KIAA0319: variants seen among roughly 807,000 people sequenced by gnomAD.
KIAA0319 encodes the protein dyslexia-associated protein KIAA0319.
In KIAA0319, 83 loss-of-function variants were observed where a neutral mutation model predicts 108.4. The observed-to-expected ratio is 0.77, with a 90% confidence interval of 0.64 to 0.92. The LOEUF is 0.92. KIAA0319 is among the 40% of genes least tolerant of loss of function. KIAA0319 has a pLI of 0.00. For synonymous variants in KIAA0319, 484 were observed against 510.4 expected (o/e 0.95, Z 0.70); for missense variants, 1,195 against 1,322.4 (o/e 0.90, Z 1.49).
intron 1 of KIAA0319, among the ~76,000 whole-genome samples, chr6:24,621,676 C>T (rs1406923760): frequency 2.6e-5 from 4 of 152,134 alleles, no homozygotes; most frequent in Admixed American, 2.6e-4. Context: ...AGAAAATAAA[C>T]CATAACAACA....
chr6:24,596,729 G>A, intron 2 of KIAA0319, 111 bp from the exon 3 acceptor site: 2 of 942,486 alleles, frequency 2.1e-6, no homozygotes, highest in South Asian at 1.7e-5. Flanking sequence ...AGTCTGGCAA[G>A]CAAATAAACA....
Position 24,547,201 on chromosome 6 carries a change from A to G in KIAA0319, c.3183T>C (p.Asn1061=), listed in dbSNP as rs1156934250. 6.2e-7 allele frequency: 1 copy of G among 1,614,140 alleles called. No individual in the cohort carries two copies. Residue 1061 remains asparagine, a synonymous_variant, in exon 21 of 21, where the codon AAT becomes AAC. Coordinates refer to ENST00000378214, the MANE Select transcript of KIAA0319 (RefSeq NM_014809.4). ...TTGAGCAATAACTGAAGGAAGCTCCATTTCTGATGGAACCATTCATGGAAA... is the reference window on the plus strand; with the variant it reads ...TTGAGCAATAACTGAAGGAAGCTCCGTTTCTGATGGAACCATTCATGGAAA... ...PKVSMNGSIR[N]GASFSYCSKD... is the part of the protein sequence containing the mutation.
At chr6:24,603,300 C>T (rs1193342338) in intron 1 of KIAA0319, among the ~76,000 whole-genome samples, 1 of 152,070 alleles carries the variant, frequency 6.6e-6, no homozygotes, top group African/African-American at 2.4e-5. Flanking sequence ...CTGGTTTGCC[C>T]AAAGTAGAAG....
chr6:24,579,525 A>T (rs2744561), intron 8 of KIAA0319, among the ~76,000 whole-genome samples: 6,547 of 144,766 alleles, frequency 0.045, 365 homozygotes, highest in African/African-American at 0.12. Flanking sequence ...TATATATCTT[A>T]TATATATATA....
intron 20 of KIAA0319, among the ~76,000 whole-genome samples, chr6:24,550,371 T>C (rs1367649357): frequency 6.6e-6 from 1 of 152,212 alleles, no homozygotes; most frequent in Non-Finnish European, 1.5e-5. Context: ...ACCTCACAAC[T>C]CTGAAAAAGA....
intron 1 of KIAA0319, among the ~76,000 whole-genome samples, chr6:24,643,370 T>C (rs888611105): frequency 5.3e-5 from 8 of 152,138 alleles, no homozygotes; most frequent in African/African-American, 9.7e-5. Flanking sequence ...GCCCAGACTT[T>C]GACACTACAC....
chr6:24,611,791 C>T (rs913879738), intron 1 of KIAA0319, among the ~76,000 whole-genome samples: 9 of 151,986 alleles, frequency 5.9e-5, no homozygotes, highest in Non-Finnish European at 1.5e-5. Flanking sequence ...CAGTTGCTCA[C>T]CCCTGTAATC....
intron 20 of KIAA0319, among the ~76,000 whole-genome samples, chr6:24,550,942 C>G (rs1249134319): frequency 6.6e-6 from 1 of 152,098 alleles, no homozygotes; most frequent in Admixed American, 6.6e-5. Flanking sequence ...CTGCCCCCAC[C>G]CCCGCATTAG....
At chr6:24,642,580 A>G (rs932288584) in intron 1 of KIAA0319, among the ~76,000 whole-genome samples, 2 of 152,182 alleles carry the variant, frequency 1.3e-5, no homozygotes, top group African/African-American at 4.8e-5. Flanking sequence ...GCTGGAGTTA[A>G]TTTACCCTCC....
intron 1 of KIAA0319, among the ~76,000 whole-genome samples, chr6:24,644,443 T>C (rs1170752982): frequency 6.6e-6 from 1 of 152,226 alleles, no homozygotes; most frequent in Non-Finnish European, 1.5e-5. Flanking sequence ...ACCAGAAATA[T>C]GCTGTAGGAA....
Position 24,547,214 on chromosome 6 carries a change from C to T in KIAA0319, c.3170G>A (p.Gly1057Asp). The change falls in exon 21 of 21, where the codon GGT becomes GAT. Residue 1057 changes from glycine to aspartate, a missense_variant. Gly to Asp is a moderately conservative substitution (Grantham distance 94). Coordinates refer to ENST00000378214, the MANE Select transcript of KIAA0319 (RefSeq NM_014809.4). Reference sequence around the variant, plus strand: ...GAAGGAAGCTCCATTTCTGATGGAACCATTCATGGAAACCTTTGGATTCCC... The same window carrying T: ...GAAGGAAGCTCCATTTCTGATGGAATCATTCATGGAAACCTTTGGATTCCC... Reference protein sequence around the residue: ...ERGNPKVSMNGSIRNGASFSY... With the variant: ...ERGNPKVSMNDSIRNGASFSY... 6.2e-7 allele frequency: 1 copy of T among 1,614,148 alleles called. No individual in the cohort carries two copies.
chr6:24,621,421 C>T (rs565939092), intron 1 of KIAA0319, among the ~76,000 whole-genome samples: 4 of 152,276 alleles, frequency 2.6e-5, no homozygotes, highest in African/African-American at 9.6e-5. Flanking sequence ...ATCATGGAGA[C>T]AAGAACCACC....
intron 1 of KIAA0319, among the ~76,000 whole-genome samples, chr6:24,629,422 G>A (rs906486699): frequency 6.7e-6 from 1 of 148,224 alleles, no homozygotes; most frequent in African/African-American, 2.5e-5. Flanking sequence ...GGCTGAGGCA[G>A]GAGAATGGCA....
At chr6:24,631,430 A>G (rs2127587647) in intron 1 of KIAA0319, among the ~76,000 whole-genome samples, 1 of 152,352 alleles carries the variant, frequency 6.6e-6, no homozygotes, top group South Asian at 2.1e-4. Context: ...CATGTAGTGA[A>G]GGAGTATACG....
intron 14 of KIAA0319, among the ~76,000 whole-genome samples, chr6:24,564,649 G>A (rs189489956): frequency 1.5e-3 from 222 of 150,880 alleles, no homozygotes; most frequent in African/African-American, 5.1e-3. Context: ...TTGAATTAGG[G>A]CAAGGACGCT....
At chr6:24,548,131 T>C (rs1760899472) in intron 20 of KIAA0319, among the ~76,000 whole-genome samples, 1 of 152,174 alleles carries the variant, frequency 6.6e-6, no homozygotes, top group Non-Finnish European at 1.5e-5. Flanking sequence ...AATTAGGAGA[T>C]AAGCACATAT....
At position 24,596,478 on chromosome 6, in the gene KIAA0319, T is replaced by C. The variant is rs757749627; in HGVS notation, c.196A>G (p.Ser66Gly). 1.9e-6 allele frequency: 3 copies of C among 1,614,128 alleles called. No homozygotes were observed. The highest frequency in any genetic ancestry group is 2.5e-6 in the Non-Finnish European group (3 of 1,180,028). The change falls in exon 3 of 21, where the codon AGC becomes GGC. Residue 66 changes from serine (S) to glycine (G), a missense_variant. Physicochemically the swap from Ser to Gly is moderately conservative, Grantham distance 56. Coordinates refer to ENST00000378214, the MANE Select transcript of KIAA0319 (RefSeq NM_014809.4). ...TCGAACCACCAGGCCAGGTCACAGC[T>C]GGACAGGTCACAGCAAGCGGCCGTG... ...DCTAACCDLS[S>G]CDLAWWFEGR...
Position 24,564,212 on chromosome 6 carries a change from T to G in KIAA0319, c.2421A>C (p.Glu807Asp), listed in dbSNP as rs1437300496. 5 of 1,613,992 alleles carry G rather than the reference T, an allele frequency of 3.1e-6. No individual in the cohort carries two copies. Among genetic ancestry groups the G allele is most frequent in the Non-Finnish European group, 4.2e-6 (5 of 1,180,002 alleles). Residue 807 changes from glutamate to aspartate, a missense_variant, in exon 15 of 21, where the codon GAA becomes GAC. Physicochemically the swap from Glu to Asp is conservative, Grantham distance 45. Transcript: ENST00000378214. ...AGCCCAGGAACTCACCTGGCTGCACTTCCACAGTGGCAGTGTCTGTGTCCG... is the reference window on the plus strand; with the variant it reads ...AGCCCAGGAACTCACCTGGCTGCACGTCCACAGTGGCAGTGTCTGTGTCCG... The part of the protein sequence containing the change: ...GASDTDTATV[E>D]VQPDPRKSGL...
intron 8 of KIAA0319, among the ~76,000 whole-genome samples, chr6:24,578,446 A>T (rs569876284): frequency 6.6e-6 from 1 of 152,336 alleles, no homozygotes; most frequent in East Asian, 1.9e-4. Flanking sequence ...TTTCCACCAG[A>T]TTTGAATGAG....
Sources: gnomAD v4.1 joint callset for allele counts (sites outside exome capture counted in the v4.1 genomes callset) on GRCh38, gnomAD v4.1.1 for gene constraint, MANE v1.5 for transcripts, NCBI Gene and HGNC (gene_info 2026-07-23, HGNC 2026-07-21) for gene names.